CEP192: variants seen among roughly 807,000 people sequenced by gnomAD.
CEP192 encodes centrosomal protein 192.
In CEP192, 151 loss-of-function variants were observed where a neutral mutation model predicts 271.8. The ratio of observed to expected loss-of-function variants is 0.56; its 90% CI spans 0.49 to 0.64. The LOEUF (loss-of-function observed/expected upper bound fraction) is 0.64. Ranked by LOEUF, CEP192 falls within the 30% of genes least tolerant of loss-of-function variation. The pLI is 0.00. For missense variants in CEP192, 2,910 were observed against 3,020.5 expected, an observed-to-expected ratio of 0.96 and a Z score of 0.86; for synonymous variants, 995 against 1,076.5, an observed-to-expected ratio of 0.92 and a Z score of 1.48.
In CEP192 at chr18:13,001,375, T is replaced by C. The variant is rs2033632394; in HGVS notation, c.165-82T>C. On this transcript the variant is annotated intron_variant, in intron 2 of 44. Transcript: ENST00000506447. The stretch of plus-strand genomic sequence containing the variant: ...TTTTTACCCCGGTGGTTGGTTTTAC[T>C]GTCACGCAGCCCTATGTCATGATGA... The C allele has an allele frequency of 3.2e-6, 3 of 943,086 alleles. No homozygotes were observed. The South Asian group carries it at 5.3e-5, about 17-fold the overall frequency. The allele number at this position is 943,086 out of a possible 1,614,324, so 58.4% of individuals were successfully genotyped here.
intron 21 of CEP192, among the ~76,000 whole-genome samples, chr18:13,065,175 G>T (rs1003663061): frequency 9.0e-5 from 13 of 144,128 alleles, no homozygotes; most frequent in Admixed American, 2.7e-4. Flanking sequence ...TCTAATAGTT[G>T]TTTTTTTTTT....
At chr18:13,051,630 G>C (rs920239354) in intron 17 of CEP192, among the ~76,000 whole-genome samples, 1 of 152,040 alleles carries the variant, frequency 6.6e-6, no homozygotes, top group Non-Finnish European at 1.5e-5. Flanking sequence ...TGCAAGCGCC[G>C]CCTCCCAGGT....
chr18:13,054,746 A>G (rs1259924949), intron 18 of CEP192, among the ~76,000 whole-genome samples: 1 of 152,170 alleles, frequency 6.6e-6, no homozygotes, highest in Non-Finnish European at 1.5e-5. Flanking sequence ...TAGTGTCTTT[A>G]TTTCTGAAGC....
chr18:13,084,239 T>A (rs1211630008), intron 30 of CEP192, among the ~76,000 whole-genome samples: 1 of 152,266 alleles, frequency 6.6e-6, no homozygotes, highest in East Asian at 1.9e-4. Flanking sequence ...GTGGGCTCTA[T>A]AGAGGTTGTA....
At chr18:13,025,825 A>G (rs1487477195) in intron 9 of CEP192, among the ~76,000 whole-genome samples, 1 of 152,172 alleles carries the variant, frequency 6.6e-6, no homozygotes, top group African/African-American at 2.4e-5. Context: ...ACCCTCACCT[A>G]TGTATACATA....
rs568748357 is a variant in CEP192 at position 13,038,411 on chromosome 18, C to G, written c.1641C>G (p.Gly547=). Residue 547 remains glycine (G), a synonymous_variant, in exon 13 of 45, where the codon GGC becomes GGG. Transcript: ENST00000506447. The part of the protein sequence containing the change: ...IDAHNTSVAL[G]DTSWGATINY... ...CTCATAATACTTCGGTTGCACTGGG[C>G]GATACGTCCTGGGGAGCTACAATTA... is the stretch of plus-strand genomic sequence containing the variant. The G allele has an allele frequency of 6.4e-7, 1 of 1,551,576 alleles. No homozygotes were observed. The highest frequency in any genetic ancestry group is 8.7e-7 in the Non-Finnish European group (1 of 1,146,912).
chr18:12,998,469 A>T (rs947390336), intron 1 of CEP192, among the ~76,000 whole-genome samples: 1 of 152,202 alleles, frequency 6.6e-6, no homozygotes, highest in Non-Finnish European at 1.5e-5. Flanking sequence ...TTAGTCTCTC[A>T]GTTTGTTTCT....
At chr18:13,034,320 G>A (rs1416764006) in intron 11 of CEP192, among the ~76,000 whole-genome samples, 2 of 152,058 alleles carry the variant, frequency 1.3e-5, no homozygotes, top group Admixed American at 6.6e-5. Flanking sequence ...CTAGATCCAG[G>A]GAAATAGGGG....
intron 22 of CEP192, 40 bp from the exon 23 acceptor site, chr18:13,068,054 C>T (rs1411969912): frequency 6.2e-7 from 1 of 1,610,686 alleles, no homozygotes; most frequent in Admixed American, 1.7e-5. Context: ...TAGCATTACA[C>T]TGTTGGCTTT....
chr18:13,027,187 C>G (rs2035350666), intron 9 of CEP192, among the ~76,000 whole-genome samples: 1 of 152,122 alleles, frequency 6.6e-6, no homozygotes, highest in South Asian at 2.1e-4. Context: ...TTAACTTTCC[C>G]CAGGCTACTT....
intron 44 of CEP192, 109 bp downstream of exon 44, chr18:13,117,752 C>A: frequency 1.3e-6 from 1 of 775,518 alleles, no homozygotes; most frequent in South Asian, 1.6e-5. Context: ...ATATTCCTCA[C>A]CAGCACCAAA....
intron 33 of CEP192, among the ~76,000 whole-genome samples, chr18:13,090,577 A>G (rs1472153311): frequency 1.3e-5 from 2 of 152,152 alleles, no homozygotes; most frequent in African/African-American, 4.8e-5. Context: ...GTGATGTTGA[A>G]TAGTCTGTGA....
intron 10 of CEP192, 81 bp from the exon 11 acceptor site, chr18:13,030,384 G>A (rs9964466): frequency 0.64 from 827,202 of 1,291,162 alleles, 269,826 homozygotes; most frequent in African/African-American, 0.89. Context: ...GTAGTCATCT[G>A]AATTTAAAAA....
chr18:13,020,513 T>G (rs896768194), intron 9 of CEP192, among the ~76,000 whole-genome samples: 3 of 152,228 alleles, frequency 2.0e-5, no homozygotes, highest in African/African-American at 7.2e-5. Flanking sequence ...CTTTTGGCTT[T>G]TGAGTGTAAT....
intron 11 of CEP192, 23 bp downstream of exon 11, chr18:13,030,631 A>G (rs1335625441): frequency 6.4e-7 from 1 of 1,551,286 alleles, no homozygotes; most frequent in African/African-American, 1.4e-5. Flanking sequence ...ATAAACATTT[A>G]TTATAACATT....
At chr18:13,002,013 C>A (rs760971808) in intron 3 of CEP192, among the ~76,000 whole-genome samples, 3 of 152,200 alleles carry the variant, frequency 2.0e-5, no homozygotes, top group African/African-American at 7.2e-5. Flanking sequence ...CCACCGCGCC[C>A]GGCCAAGAGT....
At chr18:13,121,354 T>C (rs2040649124) in intron 44 of CEP192, among the ~76,000 whole-genome samples, 1 of 152,182 alleles carries the variant, frequency 6.6e-6, no homozygotes, top group Admixed American at 6.5e-5. Flanking sequence ...TATGCACTTT[T>C]TCCAAGGCCA....
In CEP192 at chr18:13,032,112, G is replaced by C. The variant is rs539413174; in HGVS notation, c.1534+1504G>C. 5.3e-5 allele frequency among the ~76,000 whole-genome samples: 8 copies of C among 152,344 alleles called. No individual in the cohort carries two copies. The East Asian group carries it at 1.5e-3, about 29-fold the overall frequency. Reference sequence around the variant, plus strand: ...TCAGGACTCGTTGCTTGTGGAACTTGCTTGGTGAATCTTCTCCTGGTAGTT... The same window carrying C: ...TCAGGACTCGTTGCTTGTGGAACTTCCTTGGTGAATCTTCTCCTGGTAGTT... On this transcript the variant is annotated intron_variant, in intron 11 of 44. Coordinates refer to ENST00000506447, the MANE Select transcript of CEP192 (RefSeq NM_032142.4).
At position 13,068,912 on chromosome 18, in the gene CEP192, A is replaced by T; in HGVS notation, c.4883A>T (p.Asn1628Ile). Residue 1628 changes from asparagine (N) to isoleucine (I), a missense_variant, in exon 25 of 45, where the codon AAC (asparagine) becomes ATC (isoleucine). Physicochemically the swap from Asn to Ile is moderately radical, Grantham distance 149. Coordinates refer to ENST00000506447, the MANE Select transcript of CEP192 (RefSeq NM_032142.4). ...AKVDIEVDSP[N>I]PTPVLRSVSL... The stretch of plus-strand genomic sequence containing the variant: ...GTTGATATCGAAGTTGACAGCCCAA[A>T]CCCTACGCCCGTTCTTAGAAGTGTG... 1.2e-6 allele frequency: 2 copies of T among 1,614,144 alleles called. No individual in the cohort carries two copies. The highest frequency in any genetic ancestry group is 1.7e-6 in the Non-Finnish European group (2 of 1,180,012).
Sources: gnomAD v4.1 joint callset for allele counts (sites outside exome capture counted in the v4.1 genomes callset) on GRCh38, gnomAD v4.1.1 for gene constraint, MANE v1.5 for transcripts, NCBI Gene and HGNC (gene_info 2026-07-23, HGNC 2026-07-21) for gene names.